Variants in GUCY1A2 observed in about 807,000 individuals in gnomAD.
The protein encoded by GUCY1A2 is guanylate cyclase soluble subunit alpha-2.
A neutral mutation model predicts 63.5 loss-of-function variants in GUCY1A2; 27 were observed. That is an observed-to-expected ratio of 0.43 (90% CI 0.31 to 0.59). GUCY1A2 has a LOEUF of 0.59. Ranked by LOEUF, GUCY1A2 falls within the 20% of genes least tolerant of loss-of-function variation. GUCY1A2 has a pLI of 0.11. For synonymous variants in GUCY1A2, 364 were observed against 343.5 expected, an observed-to-expected ratio of 1.06 and a Z score of -0.66; for missense variants, 768 against 913.3, an observed-to-expected ratio of 0.84 and a Z score of 2.05.
chr11:106,709,572 GTATATAATATATAGTTA>G (rs1203369734), intron 6 of GUCY1A2, among the ~76,000 whole-genome samples: 7 of 90,080 alleles, frequency 7.8e-5, no homozygotes, highest in African/African-American at 2.8e-4. Flanking sequence ...TTATATACGT[GTATATAATATATAGTTA>G]TATATAATAT....
At chr11:106,712,422 G>A (rs746696629) in intron 6 of GUCY1A2, among the ~76,000 whole-genome samples, 8 of 152,060 alleles carry the variant, frequency 5.3e-5, no homozygotes, top group Non-Finnish European at 1.0e-4. Flanking sequence ...AAAAATCACC[G>A]TTTTAATGCC....
rs534590546 is a variant in GUCY1A2 at position 106,769,768 on chromosome 11, G to A, written c.1836+6671C>T. On this transcript the variant is annotated intron_variant, in intron 6 of 7. Transcript: ENST00000526355. ...ATTTAAATACTCCTAATTGATAAAT[G>A]TGAGAAATGAGGATAACTGGGATCA... Among the ~76,000 whole-genome samples, 7 of 152,056 alleles carry A rather than the reference G, an allele frequency of 4.6e-5. No homozygotes were observed. The South Asian group carries it at 1.2e-3, about 27-fold the overall frequency.
At chr11:106,941,879 C>T (rs1243537548) in intron 3 of GUCY1A2, among the ~76,000 whole-genome samples, 2 of 152,074 alleles carry the variant, frequency 1.3e-5, no homozygotes, top group Non-Finnish European at 2.9e-5. Flanking sequence ...TATTAATAAG[C>T]ATTTCATATT....
intron 4 of GUCY1A2, among the ~76,000 whole-genome samples, chr11:106,935,021 A>G (rs1860656970): frequency 6.6e-6 from 1 of 152,256 alleles, no homozygotes. Context: ...ACCTTCATCA[A>G]TCTGACAGAG....
At chr11:106,768,044 C>T (rs1397767764) in intron 6 of GUCY1A2, among the ~76,000 whole-genome samples, 1 of 152,110 alleles carries the variant, frequency 6.6e-6, no homozygotes, top group Non-Finnish European at 1.5e-5. Flanking sequence ...AGCAGAGCAT[C>T]ATGACTAATA....
intron 4 of GUCY1A2, among the ~76,000 whole-genome samples, chr11:106,877,025 G>T (rs1402445260): frequency 6.6e-6 from 1 of 152,018 alleles, no homozygotes; most frequent in African/African-American, 2.4e-5. Context: ...CGAAGCAAAG[G>T]TTATAGTGAT....
intron 4 of GUCY1A2, among the ~76,000 whole-genome samples, chr11:106,920,647 T>C (rs913203378): frequency 6.6e-6 from 1 of 152,118 alleles, no homozygotes; most frequent in Non-Finnish European, 1.5e-5. Flanking sequence ...CATTCAGATC[T>C]TATAATTACA....
intron 4 of GUCY1A2, among the ~76,000 whole-genome samples, chr11:106,860,173 G>C (rs1216576370): frequency 6.6e-6 from 1 of 151,690 alleles, no homozygotes; most frequent in Admixed American, 6.6e-5. Flanking sequence ...TTAACATATT[G>C]GGTTAAAAAG....
chr11:106,814,903 T>C (rs2135426741), intron 4 of GUCY1A2, among the ~76,000 whole-genome samples: 1 of 151,972 alleles, frequency 6.6e-6, no homozygotes, highest in Admixed American at 6.6e-5. Flanking sequence ...ATAAGAATCA[T>C]AATAAGAACC....
chr11:106,930,796 T>G (rs980941653), intron 4 of GUCY1A2, among the ~76,000 whole-genome samples: 30 of 152,234 alleles, frequency 2.0e-4, no homozygotes, highest in African/African-American at 6.3e-4. Context: ...ACTTCGGGGC[T>G]GGACACAGCG....
intron 4 of GUCY1A2, among the ~76,000 whole-genome samples, chr11:106,897,257 A>T (rs183498518): frequency 1.2e-4 from 18 of 152,286 alleles, no homozygotes; most frequent in Admixed American, 9.2e-4. Flanking sequence ...ATATTATCAC[A>T]ATATTAGTTC....
chr11:106,897,561 T>C (rs539390556), intron 4 of GUCY1A2, among the ~76,000 whole-genome samples: 9 of 151,364 alleles, frequency 5.9e-5, no homozygotes, highest in African/African-American at 2.2e-4. Flanking sequence ...ATATATATAG[T>C]AAAACTGATC....
intron 3 of GUCY1A2, among the ~76,000 whole-genome samples, chr11:106,967,160 T>TG (rs1692823436): frequency 2.0e-5 from 3 of 152,200 alleles, no homozygotes; most frequent in Admixed American, 2.0e-4. Flanking sequence ...CATTTGTCAC[T>TG]GTTCTGCTTG....
chr11:106,927,599 C>G (rs1860544076), intron 4 of GUCY1A2, among the ~76,000 whole-genome samples: 1 of 151,166 alleles, frequency 6.6e-6, no homozygotes, highest in South Asian at 2.1e-4. Context: ...GAGTCTCGCT[C>G]TGTCACCCAG....
chr11:106,681,836 T>C lies in GUCY1A2; in HGVS notation c.*5713A>G, dbSNP rs952092360. On this transcript the variant is annotated 3_prime_UTR_variant, in exon 8 of 8. Coordinates refer to ENST00000526355, the MANE Select transcript of GUCY1A2 (RefSeq NM_000855.3). ...TTGAAAGGTTGTTACACGGTATTGC[T>C]TGGAAATCAGTTTTCAGATAATGTA... is the stretch of plus-strand genomic sequence containing the variant. 9.2e-6 allele frequency: 2 copies of C among 216,690 alleles called. No individual in the cohort carries two copies. Among genetic ancestry groups the C allele is most frequent in the African/African-American group, 2.3e-5 (1 of 44,416 alleles). 13.4% of individuals were successfully genotyped at this position (216,690 alleles called of 1,614,324 possible). A position where few individuals can be genotyped will look rare whatever the true frequency, so the allele number is the denominator to read the frequency against.
At chr11:106,753,684 TG>T (rs1402583796) in intron 6 of GUCY1A2, among the ~76,000 whole-genome samples, 1 of 152,240 alleles carries the variant, frequency 6.6e-6, no homozygotes, top group Non-Finnish European at 1.5e-5. Context: ...GTGTTATTTC[TG>T]AGGCCTCTGT....
chr11:106,997,951 G>T (rs553507907), intron 1 of GUCY1A2, among the ~76,000 whole-genome samples: 1 of 152,150 alleles, frequency 6.6e-6, no homozygotes, highest in Admixed American at 6.5e-5. Context: ...ATCTCTCACA[G>T]TCCTGAGGTG....
At chr11:106,996,579 T>G (rs1399079201) in intron 1 of GUCY1A2, among the ~76,000 whole-genome samples, 3 of 152,222 alleles carry the variant, frequency 2.0e-5, no homozygotes, top group Admixed American at 2.0e-4. Flanking sequence ...ATTAAGATTT[T>G]GAGTAATAAG....
chr11:106,695,150 C>T (rs911686432), intron 7 of GUCY1A2, among the ~76,000 whole-genome samples: 18 of 152,246 alleles, frequency 1.2e-4, no homozygotes, highest in African/African-American at 3.6e-4. Flanking sequence ...ACACTTACCA[C>T]CTTCCTCTCT....
Sources: allele counts gnomAD v4.1 joint callset (sites outside exome capture counted in the v4.1 genomes callset), GRCh38; gene constraint gnomAD v4.1.1; transcripts MANE v1.5; gene names NCBI Gene and HGNC (gene_info 2026-07-23, HGNC 2026-07-21).